Variants in MARCO observed in about 807,000 individuals in gnomAD.
MARCO encodes the protein macrophage receptor MARCO.
Under a neutral mutation model 70.0 loss-of-function variants are expected in MARCO, and 72 were observed. The ratio of observed to expected loss-of-function variants is 1.03; its 90% CI spans 0.85 to 1.25. MARCO has a LOEUF of 1.25. Among genes scored for constraint, MARCO ranks in the 50% most tolerant of loss-of-function variants. The probability of loss-of-function intolerance (pLI) is 0.00; values close to 1 mark genes in which losing one functional copy is unlikely to be tolerated. For synonymous variants in MARCO, 273 were observed against 243.1 expected, an observed-to-expected ratio of 1.12 and a Z score of -1.14; for missense variants, 696 against 659.3, an observed-to-expected ratio of 1.06 and a Z score of -0.61.
intron 10 of MARCO, 98 bp downstream of exon 10, chr2:118,981,754 T>C: frequency 8.0e-7 from 1 of 1,251,568 alleles, no homozygotes. Flanking sequence ...TTCATTGTAG[T>C]ATTCACCCAG....
At chr2:118,988,210 A>C (rs966750281) in intron 12 of MARCO, among the ~76,000 whole-genome samples, 1 of 152,074 alleles carries the variant, frequency 6.6e-6, no homozygotes, top group Non-Finnish European at 1.5e-5. Context: ...GGAGCTAGGA[A>C]GGGAGAGTGT....
In MARCO at chr2:118,993,277, G is replaced by A. The variant is rs1680658766; in HGVS notation, c.1406G>A (p.Arg469Lys). The change falls in exon 16 of 17, where the codon AGG becomes AAG. Residue 469 changes from arginine (R) to lysine (K), a missense_variant. Physicochemically the swap from Arg to Lys is conservative, Grantham distance 26. Transcript: ENST00000327097. Reference protein sequence around the residue: ...FCRMLGYSKGRALYKVGAGTG... With the variant: ...FCRMLGYSKGKALYKVGAGTG... ...CGCATGCTGGGTTACTCCAAAGGAA[G>A]GGCCCTGTACAAAGTGGGAGCTGGT... is the stretch of plus-strand genomic sequence containing the variant. 1 of 1,614,174 alleles carries A rather than the reference G, an allele frequency of 6.2e-7. No homozygotes were observed. The highest frequency in any genetic ancestry group is 8.5e-7 in the Non-Finnish European group (1 of 1,180,022).
chr2:118,984,166 A>G (rs1203500245), intron 12 of MARCO, among the ~76,000 whole-genome samples: 3 of 152,118 alleles, frequency 2.0e-5, no homozygotes, highest in Non-Finnish European at 4.4e-5. Context: ...CAGCCCCACA[A>G]TCAGGGTGTG....
At position 118,974,439 on chromosome 2, in the gene MARCO, A is replaced by G; in HGVS notation, c.567A>G (p.Thr189=). The G allele has an allele frequency of 6.2e-7, 1 of 1,612,776 alleles. No individual in the cohort carries two copies. The part of the protein sequence containing the change: ...AKGAMGRDGA[T]GPSGPQGPPG... ...GGGCTATGGGACGAGATGGAGCAAC[A>G]GGTACGGGTCTTTTTCTTCTGACCC... The change falls in exon 5 of 17, where the codon ACA becomes ACG. Residue 189 remains threonine (T), a splice_region_variant and synonymous_variant. Transcript: ENST00000327097.
At chr2:118,986,645 G>GAA (rs1283035510) in intron 12 of MARCO, among the ~76,000 whole-genome samples, 3 of 44,992 alleles carry the variant, frequency 6.7e-5, no homozygotes, top group Non-Finnish European at 1.2e-4. Flanking sequence ...AAGAAAGAAA[G>GAA]AAAGAAAGAA....
At chr2:118,963,338 A>G (rs534084125) in intron 1 of MARCO, among the ~76,000 whole-genome samples, 21 of 151,458 alleles carry the variant, frequency 1.4e-4, no homozygotes, top group Non-Finnish European at 8.8e-5. Context: ...ATGCTTTCTT[A>G]ATGACCCATG....
At chr2:118,981,371 T>A (rs1452572946) in intron 8 of MARCO, 38 bp from the exon 9 acceptor site, 1 of 1,365,938 alleles carries the variant, frequency 7.3e-7, no homozygotes, top group Admixed American at 2.0e-5. Flanking sequence ...CTGATTGGAG[T>A]TCCTCCCACA....
chr2:118,993,032 T>C, intron 15 of MARCO, 92 bp from the exon 16 acceptor site: 1 of 1,151,130 alleles, frequency 8.7e-7, no homozygotes, highest in Non-Finnish European at 1.3e-6. Context: ...TTTCCTTAAC[T>C]GTAGAACTCC....
intron 1 of MARCO, among the ~76,000 whole-genome samples, chr2:118,960,118 A>AT (rs149653770): frequency 6.7e-6 from 1 of 149,894 alleles, no homozygotes; most frequent in Non-Finnish European, 1.5e-5. Flanking sequence ...AAATAAAATA[A>AT]AATAATAATA....
intron 1 of MARCO, among the ~76,000 whole-genome samples, chr2:118,954,783 A>G (rs2104555608): frequency 6.6e-6 from 1 of 152,268 alleles, no homozygotes; most frequent in South Asian, 2.1e-4. Flanking sequence ...GGAGCTGGGT[A>G]AAGTTGCTGG....
chr2:118,990,564 C>A (rs747480316), intron 12 of MARCO, 25 bp from the exon 13 acceptor site: 13 of 1,555,552 alleles, frequency 8.4e-6, no homozygotes, highest in East Asian at 4.5e-5. Context: ...TCTCCTCCCC[C>A]CCCCCTTTTT....
chr2:118,942,581 C>A (rs1285103061), intron 1 of MARCO, among the ~76,000 whole-genome samples, 184 bp downstream of exon 1: 1 of 152,136 alleles, frequency 6.6e-6, no homozygotes, highest in Non-Finnish European at 1.5e-5. Flanking sequence ...ATAATAGATG[C>A]TGTATTTTTA....
At chr2:118,993,803 A>G (rs2104617501) in intron 16 of MARCO, among the ~76,000 whole-genome samples, 1 of 152,358 alleles carries the variant, frequency 6.6e-6, no homozygotes, top group South Asian at 2.1e-4. Flanking sequence ...AAATGTGTGG[A>G]AAATGTCTTC....
intron 1 of MARCO, among the ~76,000 whole-genome samples, chr2:118,944,487 T>TA (rs1481576140): frequency 1.3e-5 from 2 of 152,194 alleles, no homozygotes; most frequent in African/African-American, 2.4e-5. Flanking sequence ...TTAGGCCATA[T>TA]ATAGTTTTAT....
chr2:118,982,744 TG>T (rs1343303462), intron 12 of MARCO, among the ~76,000 whole-genome samples: 1 of 152,146 alleles, frequency 6.6e-6, no homozygotes, highest in Admixed American at 6.5e-5. Context: ...AACCCTTCAT[TG>T]GGGCCCCTAA....
intron 16 of MARCO, among the ~76,000 whole-genome samples, 188 bp from the exon 17 acceptor site, chr2:118,994,193 AAACAAC>A (rs139356455): frequency 3.3e-4 from 50 of 151,162 alleles, no homozygotes; most frequent in African/African-American, 1.0e-3. Flanking sequence ...GTCATTATAA[AAACAAC>A]AACAACAACA....
intron 13 of MARCO, 111 bp from the exon 14 acceptor site, chr2:118,991,665 TG>T (rs1558674313): frequency 1.7e-6 from 1 of 600,470 alleles, no homozygotes; most frequent in South Asian, 2.3e-5. Flanking sequence ...AGCCCAGCCA[TG>T]GGGGAGGTCT....
intron 1 of MARCO, among the ~76,000 whole-genome samples, chr2:118,964,869 CAG>C (rs1680014850): frequency 7.1e-6 from 1 of 141,160 alleles, no homozygotes; most frequent in East Asian, 2.0e-4. Context: ...GCCTGGGCGA[CAG>C]AGTGAGATAC....
intron 1 of MARCO, among the ~76,000 whole-genome samples, chr2:118,962,037 G>A (rs762773323): frequency 3.3e-5 from 5 of 152,068 alleles, no homozygotes; most frequent in South Asian, 2.1e-4. Flanking sequence ...GTAGACGTGC[G>A]GTCTTATTGC....
Sources: allele counts gnomAD v4.1 joint callset (sites outside exome capture counted in the v4.1 genomes callset), GRCh38; gene constraint gnomAD v4.1.1; transcripts MANE v1.5; gene names NCBI Gene and HGNC (gene_info 2026-07-23, HGNC 2026-07-21).